Variants in TBC1D32 observed in about 807,000 individuals in gnomAD.
TBC1D32 encodes protein broad-minded.
TBC1D32 carries 151 observed loss-of-function variants against 170.3 expected under a neutral mutation model. That is an observed-to-expected ratio of 0.89 (90% confidence interval 0.78 to 1.01). The LOEUF (loss-of-function observed/expected upper bound fraction) is 1.01. TBC1D32 is among the 50% of genes least tolerant of loss of function. The probability of loss-of-function intolerance (pLI) is 0.00; values close to 1 mark genes in which losing one functional copy is unlikely to be tolerated. For synonymous variants in TBC1D32, 498 were observed against 488.0 expected (o/e 1.02, Z -0.27); for missense variants, 1,464 against 1,457.1 (o/e 1.00, Z -0.08).
intron 22 of TBC1D32, among the ~76,000 whole-genome samples, chr6:121,184,224 G>A (rs1167635079): frequency 1.3e-5 from 2 of 151,892 alleles, no homozygotes; most frequent in African/African-American, 4.8e-5. Context: ...GCAAGCCAGA[G>A]GTCATGATGA....
chr6:121,104,891 T>C (rs1483424568), intron 30 of TBC1D32, among the ~76,000 whole-genome samples: 3 of 151,784 alleles, frequency 2.0e-5, no homozygotes, highest in African/African-American at 7.2e-5. Context: ...CAAATTTAAA[T>C]GGCCAGTTTA....
At chr6:121,156,699 G>A (rs1784934553) in intron 24 of TBC1D32, among the ~76,000 whole-genome samples, 3 of 149,642 alleles carry the variant, frequency 2.0e-5, no homozygotes, top group Non-Finnish European at 4.5e-5. Flanking sequence ...TCCCAAAGAT[G>A]TTAGTAAGTT....
At position 121,254,787 on chromosome 6, in the gene TBC1D32, C is replaced by T. The variant is rs560966844; in HGVS notation, c.2018+541G>A. 4.6e-5 allele frequency among the ~76,000 whole-genome samples: 7 copies of T among 152,034 alleles called. 1 individual carries two copies. Among genetic ancestry groups the T allele is most frequent in the African/African-American group, 1.4e-4 (6 of 41,500 alleles). On this transcript the variant is annotated intron_variant, in intron 17 of 31. Coordinates refer to ENST00000398212, the MANE Select transcript of TBC1D32 (RefSeq NM_152730.6). ...ACAGAACCCAGAAAAACATGTTGCC[C>T]GAGTTTAGTTCAAAAAATCTATTTT... is the stretch of plus-strand genomic sequence containing the variant.
intron 31 of TBC1D32, among the ~76,000 whole-genome samples, chr6:121,085,201 A>G (rs1776058649): frequency 7.4e-6 from 1 of 136,004 alleles, no homozygotes; most frequent in African/African-American, 3.2e-5. Flanking sequence ...TGTCTTACAT[A>G]TATATACACA....
intron 24 of TBC1D32, among the ~76,000 whole-genome samples, chr6:121,135,040 G>C (rs936105923): frequency 3.3e-5 from 5 of 152,082 alleles, no homozygotes; most frequent in African/African-American, 9.7e-5. Flanking sequence ...CTACAAGTAG[G>C]CTAGCCCATG....
intron 26 of TBC1D32, among the ~76,000 whole-genome samples, chr6:121,125,597 G>T (rs1780749917): frequency 6.6e-6 from 1 of 152,072 alleles, no homozygotes; most frequent in South Asian, 2.1e-4. Context: ...CTCAAGATCT[G>T]CTGTGAGATG....
chr6:121,195,907 G>C (rs577359270), intron 22 of TBC1D32, among the ~76,000 whole-genome samples: 1 of 152,314 alleles, frequency 6.6e-6, no homozygotes, highest in Non-Finnish European at 1.5e-5. Flanking sequence ...CATGGAAGGA[G>C]AAATGGCCAG....
intron 24 of TBC1D32, among the ~76,000 whole-genome samples, chr6:121,154,276 G>A (rs939084935): frequency 8.6e-5 from 13 of 152,044 alleles, no homozygotes; most frequent in Admixed American, 7.9e-4. Flanking sequence ...CTTCCTAGGT[G>A]AGAACAGAGC....
chr6:121,265,881 C>T (rs574935003), intron 15 of TBC1D32, among the ~76,000 whole-genome samples: 1 of 152,124 alleles, frequency 6.6e-6, no homozygotes, highest in South Asian at 2.1e-4. Flanking sequence ...ATGCAGAAAA[C>T]TGAAAATGGA....
intron 21 of TBC1D32, among the ~76,000 whole-genome samples, chr6:121,213,524 T>TAAAATAAAATAAAATAATAAAATAAAATA (rs371151560): frequency 3.2e-5 from 1 of 31,262 alleles, no homozygotes; most frequent in Non-Finnish European, 5.6e-5. Flanking sequence ...TAAAATAAAA[T>TAAAATAAAATAAAATAATAAAATAAAATA]AAATAAAATA....
At chr6:121,205,200 G>T in intron 21 of TBC1D32, 37 bp from the exon 22 acceptor site, 1 of 1,028,968 alleles carries the variant, frequency 9.7e-7, no homozygotes, top group Non-Finnish European at 1.4e-6. Flanking sequence ...GTATTTAACT[G>T]ATATCATTTA....
chr6:121,083,223 A>G (rs1441799972), intron 31 of TBC1D32, among the ~76,000 whole-genome samples: 1 of 148,770 alleles, frequency 6.7e-6, no homozygotes, highest in African/African-American at 2.6e-5. Flanking sequence ...TTATTTAAGT[A>G]GCAGATGCAT....
chr6:121,303,878 A>C, intron 8 of TBC1D32, 117 bp from the exon 9 acceptor site: 2 of 635,992 alleles, frequency 3.1e-6, no homozygotes, highest in Non-Finnish European at 4.7e-6. Context: ...TATTTCAGTA[A>C]ATGACAGGTA....
chr6:121,144,379 C>T (rs1428253120), intron 24 of TBC1D32, among the ~76,000 whole-genome samples: 4 of 152,018 alleles, frequency 2.6e-5, no homozygotes, highest in African/African-American at 9.7e-5. Context: ...AAACACTTGG[C>T]AGGACATTGC....
chr6:121,143,156 C>A (rs902927646), intron 24 of TBC1D32, among the ~76,000 whole-genome samples: 3 of 151,998 alleles, frequency 2.0e-5, no homozygotes, highest in African/African-American at 7.2e-5. Flanking sequence ...AAATGATATT[C>A]TAAGTAGAAA....
intron 22 of TBC1D32, among the ~76,000 whole-genome samples, chr6:121,199,817 T>C (rs1255343163): frequency 6.6e-6 from 1 of 151,356 alleles, no homozygotes; most frequent in Non-Finnish European, 1.5e-5. Flanking sequence ...AATAAATAAT[T>C]TGGTGATTTG....
chr6:121,260,983 G>T (rs1276896748), intron 15 of TBC1D32, among the ~76,000 whole-genome samples: 1 of 152,138 alleles, frequency 6.6e-6, no homozygotes, highest in Non-Finnish European at 1.5e-5. Context: ...GTCCCAAGAG[G>T]TATTCCCCAC....
In TBC1D32 at chr6:121,281,639, T is replaced by A. The variant is rs79221470; in HGVS notation, c.1513A>T (p.Ser505Cys). Residue 505 changes from serine (S) to cysteine (C), a missense_variant, in exon 14 of 32, where the codon AGT becomes TGT. This residue lies in a region of TBC1D32 where 1,363 missense variants were observed against 1,338.1 expected (regional missense o/e 1.02). Transcript: ENST00000398212. The stretch of plus-strand genomic sequence containing the variant: ...TCCACTGCACATTCTTTTTGATCAC[T>A]GAGTATCCACAGAACTTCAGTCACC... Reference protein sequence around the residue: ...SMVTEVLWILSDQKECAVECL... With the variant: ...SMVTEVLWILCDQKECAVECL... The A allele has an allele frequency of 0.022, 35,115 of 1,604,604 alleles. 1,404 individuals are homozygous for A. The highest frequency in any genetic ancestry group is 0.14 in the East Asian group (6,199 of 44,272).
At chr6:121,162,320 G>C (rs1156522450) in intron 22 of TBC1D32, among the ~76,000 whole-genome samples, 2 of 152,102 alleles carry the variant, frequency 1.3e-5, no homozygotes, top group African/African-American at 4.8e-5. Context: ...GGTTTTTATA[G>C]TTTTGGGTTT....
Sources: gnomAD v4.1 joint callset for allele counts (sites outside exome capture counted in the v4.1 genomes callset) on GRCh38, gnomAD v4.1.1 for gene constraint, gnomAD v4.1.1 regional missense constraint, MANE v1.5 for transcripts, NCBI Gene and HGNC (gene_info 2026-07-23, HGNC 2026-07-21) for gene names.